Variants in CDPF1 observed in about 807,000 individuals in gnomAD.
The protein encoded by CDPF1 is cysteine-rich DPF motif domain-containing protein 1.
A neutral mutation model predicts 8.3 loss-of-function variants in CDPF1; 8 were observed. The observed-to-expected ratio is 0.96, with a 90% CI of 0.57 to 1.74. The LOEUF is 1.74. Among genes scored for constraint, CDPF1 ranks in the 40% most tolerant of loss-of-function variants. The pLI is 0.00. For synonymous variants in CDPF1, 62 were observed against 62.9 expected (o/e 0.99, Z 0.07); for missense variants, 151 against 155.3 (o/e 0.97, Z 0.15).
chr22:46,246,908 A>T lies in CDPF1; in HGVS notation c.225+202T>A. ...TGGGGTGGGTGCAGAGCCACCAATT[A>T]CCTATTTCCATTCCTACACCAGGCT... is the stretch of plus-strand genomic sequence containing the variant. On this transcript the variant is annotated intron_variant, in intron 3 of 3. Transcript: ENST00000314567. This position sits in a 1 kb window ranked among gnomAD's most constrained non-coding sequence, Gnocchi z 7.1. The T allele has an allele frequency of 6.9e-7, 1 of 1,445,486 alleles. No individual in the cohort carries two copies. Among genetic ancestry groups the T allele is most frequent in the Non-Finnish European group, 9.3e-7 (1 of 1,074,140 alleles). The allele number at this position is 1,445,486 out of a possible 1,614,324, so 89.5% of individuals were successfully genotyped here. A position where few individuals can be genotyped will look rare whatever the true frequency, so the allele number is the denominator to read the frequency against.
Position 46,246,741 on chromosome 22 carries a change from C to G in CDPF1, c.225+369G>C. On this transcript the variant is annotated intron_variant, in intron 3 of 3. Coordinates refer to ENST00000314567, the MANE Select transcript of CDPF1 (RefSeq NM_207327.5). This position sits in a 1 kb window ranked among gnomAD's most constrained non-coding sequence, Gnocchi z 7.1. ...GGTCCCAAGCACAGGACCTGGCACA[C>G]AACAAGTGCTCATGAAAGGACAGTC... is the stretch of plus-strand genomic sequence containing the variant. 1 of 1,602,716 alleles carries G rather than the reference C, an allele frequency of 6.2e-7. No homozygotes were observed. The highest frequency in any genetic ancestry group is 8.5e-7 in the Non-Finnish European group (1 of 1,175,128).
At position 46,245,141 on chromosome 22, in the gene CDPF1, C is replaced by T. The variant is rs1343744524; in HGVS notation, c.323G>A (p.Arg108Lys). ...GGGGGTCCTCTTTGATGGAGCTTTCCTTTTCTCCAAGTCTTGCCGAATTTC... is the reference window on the plus strand; with the variant it reads ...GGGGGTCCTCTTTGATGGAGCTTTCTTTTTCTCCAAGTCTTGCCGAATTTC... ...PQEIRQDLEKRKAPSKRTPSQ... is the reference protein window; with the variant it reads ...PQEIRQDLEKKKAPSKRTPSQ... Residue 108 changes from arginine to lysine, a missense_variant, in exon 4 of 4, where the codon AGG becomes AAG. Coordinates refer to ENST00000314567, the MANE Select transcript of CDPF1 (RefSeq NM_207327.5). The surrounding 1 kb of genome is among the most constrained non-coding windows in gnomAD (Gnocchi z 6.9). 1.2e-6 allele frequency: 2 copies of T among 1,614,238 alleles called. No homozygotes were observed. Among genetic ancestry groups the T allele is most frequent in the South Asian group, 2.2e-5 (2 of 91,082 alleles).
chr22:46,248,128 G>A lies in CDPF1; in HGVS notation c.113+44C>T, dbSNP rs769658984. On this transcript the variant is annotated intron_variant, in intron 2 of 3. Coordinates refer to ENST00000314567, the MANE Select transcript of CDPF1 (RefSeq NM_207327.5). The surrounding 1 kb of genome is among the most constrained non-coding windows in gnomAD (Gnocchi z 4.1). ...GGCACACCACCCACCAACCAGCACT[G>A]GGCACAGGCCTCCCCGGCACTGGCC... The A allele has an allele frequency of 1.4e-5, 20 of 1,431,758 alleles. No homozygotes were observed. The highest frequency in any genetic ancestry group is 1.9e-5 in the Non-Finnish European group (19 of 1,022,510). 88.7% of individuals were successfully genotyped at this position (1,431,758 alleles called of 1,614,324 possible). A position where few individuals can be genotyped will look rare whatever the true frequency, so the allele number is the denominator to read the frequency against.
rs1005229786 is a variant in CDPF1 at position 46,249,527 on chromosome 22, T to C, written c.-1+729A>G. Among the ~76,000 whole-genome samples the C allele has an allele frequency of 2.6e-5, 4 of 152,006 alleles. No homozygotes were observed. Among genetic ancestry groups the C allele is most frequent in the Non-Finnish European group, 2.9e-5 (2 of 67,900 alleles). On this transcript the variant is annotated intron_variant, in intron 1 of 3. Transcript: ENST00000314567. This position sits in a 1 kb window ranked among gnomAD's most constrained non-coding sequence, Gnocchi z 4.6. ...AGCCGAGCATAGTGGCGGGTGCCTGTAATCCCAGCTACTTAGGAAGCTGAG... is the reference window on the plus strand; with the variant it reads ...AGCCGAGCATAGTGGCGGGTGCCTGCAATCCCAGCTACTTAGGAAGCTGAG...
chr22:46,246,833 A>G lies in CDPF1; in HGVS notation c.225+277T>C. On this transcript the variant is annotated intron_variant, in intron 3 of 3. Coordinates refer to ENST00000314567, the MANE Select transcript of CDPF1 (RefSeq NM_207327.5). The surrounding 1 kb of genome is among the most constrained non-coding windows in gnomAD (Gnocchi z 7.1). ...TCACCATCCTGGTGAGAGGGCGCAC[A>G]AGGACTGTCTGCACTGTTGGTGGGA... The G allele has an allele frequency of 6.4e-7, 1 of 1,555,494 alleles. No individual in the cohort carries two copies. The highest frequency in any genetic ancestry group is 8.7e-7 in the Non-Finnish European group (1 of 1,150,552).
In CDPF1 at chr22:46,245,758, G is replaced by A. The variant is rs911990469; in HGVS notation, c.226-520C>T. Among the ~76,000 whole-genome samples the A allele has an allele frequency of 2.0e-5, 3 of 152,180 alleles. No homozygotes were observed. Among genetic ancestry groups the A allele is most frequent in the African/African-American group, 7.2e-5 (3 of 41,450 alleles). On this transcript the variant is annotated intron_variant, in intron 3 of 3. Transcript: ENST00000314567. The surrounding 1 kb of genome is among the most constrained non-coding windows in gnomAD (Gnocchi z 6.9). ...CACTAGAACTCCCGAGATTCATCAC[G>A]GTGCACAGCACGTGGCTAAGGATGA...
In CDPF1 at chr22:46,247,674, T is replaced by C. The variant is rs1569266168; in HGVS notation, c.114-453A>G. Among the ~76,000 whole-genome samples the C allele has an allele frequency of 6.6e-6, 1 of 151,994 alleles. No homozygotes were observed. The highest frequency in any genetic ancestry group is 1.5e-5 in the Non-Finnish European group (1 of 67,974). Reference sequence around the variant, plus strand: ...CAGGGTGACATGATGACACTCAGGCTCCTGGTCAGCAGAGGGACGACAGCC... The same window carrying C: ...CAGGGTGACATGATGACACTCAGGCCCCTGGTCAGCAGAGGGACGACAGCC... On this transcript the variant is annotated intron_variant, in intron 2 of 3. Transcript: ENST00000314567. The surrounding 1 kb of genome is among the most constrained non-coding windows in gnomAD (Gnocchi z 4.3).
rs1262493808 is a variant in CDPF1, at chr22:46,249,932, C to A, written c.-1+324G>T. On this transcript the variant is annotated intron_variant, in intron 1 of 3. Transcript: ENST00000314567. The surrounding 1 kb of genome is among the most constrained non-coding windows in gnomAD (Gnocchi z 4.6). ...CTTCTGCACGCCGGGGCGTCCTAGG[C>A]CCCTGCCGAGGCTCCTGGGGGCGGT... Among the ~76,000 whole-genome samples the A allele has an allele frequency of 6.6e-6, 1 of 152,172 alleles. No individual in the cohort carries two copies. The highest frequency in any genetic ancestry group is 1.5e-5 in the Non-Finnish European group (1 of 68,038).
At position 46,247,129 on chromosome 22, in the gene CDPF1, C is replaced by T; in HGVS notation, c.206G>A (p.Arg69Lys). The change falls in exon 3 of 4, where the codon AGG (arginine) becomes AAG (lysine). Residue 69 changes from arginine (R) to lysine (K), a missense_variant. Physicochemically the swap from Arg to Lys is conservative, Grantham distance 26. Transcript: ENST00000314567. The surrounding 1 kb of genome is among the most constrained non-coding windows in gnomAD (Gnocchi z 4.3). ...ACCCACCGGGCCCACACACACCAGC[C>T]TGCTGCACAAACTGCAGCACGAGCC... ...VLGSCCSLCS[R>K]LVCVGPECSL... The T allele has an allele frequency of 1.2e-6, 2 of 1,613,808 alleles. No homozygotes were observed. The highest frequency in any genetic ancestry group is 1.7e-6 in the Non-Finnish European group (2 of 1,179,776).
Position 46,246,803 on chromosome 22 carries a change from G to GT in CDPF1, c.225+306dup. 6.3e-7 allele frequency: 1 copy of GT among 1,584,070 alleles called. No homozygotes were observed. Among genetic ancestry groups the GT allele is most frequent in the Non-Finnish European group, 8.6e-7 (1 of 1,165,714 alleles). On this transcript the variant is annotated intron_variant, in intron 3 of 3. Transcript: ENST00000314567. The surrounding 1 kb of genome is among the most constrained non-coding windows in gnomAD (Gnocchi z 7.1). The stretch of plus-strand genomic sequence containing the variant: ...AGATCCCTCCAAGAACATCTAGAAA[G>GT]TAAGTCACCATCCTGGTGAGAGGGC...
rs903733157 is a variant in CDPF1 at position 46,244,563 on chromosome 22, G to A, written c.*529C>T. On this transcript the variant is annotated 3_prime_UTR_variant, in exon 4 of 4. Transcript: ENST00000314567. This position sits in a 1 kb window ranked among gnomAD's most constrained non-coding sequence, Gnocchi z 6.7. ...AATTATAAACATAATACATGGTCAA[G>A]GTTAAAAACATTTTCCAAGCACCAC... 1.2e-4 allele frequency: 18 copies of A among 152,850 alleles called. No homozygotes were observed. The highest frequency in any genetic ancestry group is 3.4e-3 in the Middle Eastern group (1 of 296). 9.5% of individuals were successfully genotyped at this position (152,850 alleles called of 1,614,324 possible).
rs1308601644 is a variant in CDPF1 at position 46,247,093 on chromosome 22, C to T, written c.225+17G>A. On this transcript the variant is annotated intron_variant, in intron 3 of 3. Transcript: ENST00000314567. The surrounding 1 kb of genome is among the most constrained non-coding windows in gnomAD (Gnocchi z 4.3). ...CACAGCAAGGACAGGTGGCCCCAGCCCACGCTGCTTACCCACCGGGCCCAC... is the reference window on the plus strand; with the variant it reads ...CACAGCAAGGACAGGTGGCCCCAGCTCACGCTGCTTACCCACCGGGCCCAC... The T allele has an allele frequency of 6.9e-6, 11 of 1,598,232 alleles. No homozygotes were observed. Among genetic ancestry groups the T allele is most frequent in the African/African-American group, 1.3e-5 (1 of 74,478 alleles).
chr22:46,247,168 C>A lies in CDPF1; in HGVS notation c.167G>T (p.Arg56Ile). 1 of 1,614,164 alleles carries A rather than the reference C, an allele frequency of 6.2e-7. No homozygotes were observed. The highest frequency in any genetic ancestry group is 8.5e-7 in the Non-Finnish European group (1 of 1,180,010). ...GCAGCACGAGCCGAGGACCAGGAAT[C>A]TGTCCTTGTCGGAGGTGAAGGGATC... is the stretch of plus-strand genomic sequence containing the variant. ...MKDPFTSDKD[R>I]FLVLGSCCSL... is the part of the protein sequence containing the mutation. Residue 56 changes from arginine to isoleucine, a missense_variant, in exon 3 of 4, where the codon AGA (arginine) becomes ATA (isoleucine). Physicochemically the swap from Arg to Ile is moderately conservative, Grantham distance 97 (BLOSUM62 -3). Transcript: ENST00000314567. The surrounding 1 kb of genome is among the most constrained non-coding windows in gnomAD (Gnocchi z 4.3).
In CDPF1 at chr22:46,245,509, C is replaced by T. The variant is rs1936476298; in HGVS notation, c.226-271G>A. The stretch of plus-strand genomic sequence containing the variant: ...GACTCTGGGGCCTGCTCTGCTCCAT[C>T]ACGGGGCAGTGACAACAATGGAAAG... On this transcript the variant is annotated intron_variant, in intron 3 of 3. Coordinates refer to ENST00000314567, the MANE Select transcript of CDPF1 (RefSeq NM_207327.5). This position sits in a 1 kb window ranked among gnomAD's most constrained non-coding sequence, Gnocchi z 6.9. Among the ~76,000 whole-genome samples the T allele has an allele frequency of 6.6e-6, 1 of 152,220 alleles. No individual in the cohort carries two copies. Among genetic ancestry groups the T allele is most frequent in the Admixed American group, 6.5e-5 (1 of 15,282 alleles).
At position 46,248,445 on chromosome 22, in the gene CDPF1, T is replaced by C. The variant is rs1237898989; in HGVS notation, c.1-161A>G. On this transcript the variant is annotated intron_variant, in intron 1 of 3. Transcript: ENST00000314567. The surrounding 1 kb of genome is among the most constrained non-coding windows in gnomAD (Gnocchi z 4.1). ...CCCAGCTGAAACAGGTTTTCACCGG[T>C]GCCCAGAGTGACAGGATTTGCTGTC... Among the ~76,000 whole-genome samples the C allele has an allele frequency of 6.6e-6, 1 of 152,198 alleles. No individual in the cohort carries two copies. Among genetic ancestry groups the C allele is most frequent in the African/African-American group, 2.4e-5 (1 of 41,440 alleles).
chr22:46,247,309 T>A lies in CDPF1; in HGVS notation c.114-88A>T. The stretch of plus-strand genomic sequence containing the variant: ...GACCTATGGCCAGGCAGCAGCAGCC[T>A]GCACCTCTGCAGGGCCTGCATACCT... On this transcript the variant is annotated intron_variant, in intron 2 of 3. Transcript: ENST00000314567. The surrounding 1 kb of genome is among the most constrained non-coding windows in gnomAD (Gnocchi z 4.3). 1 of 872,346 alleles carries A rather than the reference T, an allele frequency of 1.1e-6. No individual in the cohort carries two copies. The highest frequency in any genetic ancestry group is 1.9e-6 in the Non-Finnish European group (1 of 531,278). The allele number at this position is 872,346 out of a possible 1,614,324, so 54.0% of individuals were successfully genotyped here.
In CDPF1 at chr22:46,244,967, T is replaced by C; in HGVS notation, c.*125A>G. Reference sequence around the variant, plus strand: ...GGACTCCAGCTCCCCTGGGCTGCAGTGCTGCTCCCAGTGGTCCAGAAACAA... The same window carrying C: ...GGACTCCAGCTCCCCTGGGCTGCAGCGCTGCTCCCAGTGGTCCAGAAACAA... On this transcript the variant is annotated 3_prime_UTR_variant, in exon 4 of 4. Coordinates refer to ENST00000314567, the MANE Select transcript of CDPF1 (RefSeq NM_207327.5). The surrounding 1 kb of genome is among the most constrained non-coding windows in gnomAD (Gnocchi z 6.7). 7.9e-7 allele frequency: 1 copy of C among 1,266,762 alleles called. No homozygotes were observed. Among genetic ancestry groups the C allele is most frequent in the Non-Finnish European group, 1.1e-6 (1 of 910,806 alleles). 78.5% of individuals were successfully genotyped at this position (1,266,762 alleles called of 1,614,324 possible). A position where few individuals can be genotyped will look rare whatever the true frequency, so the allele number is the denominator to read the frequency against.
Position 46,246,562 on chromosome 22 carries a change from A to G in CDPF1, c.225+548T>C. 1 of 1,333,192 alleles carries G rather than the reference A, an allele frequency of 7.5e-7. No homozygotes were observed. The highest frequency in any genetic ancestry group is 1.0e-6 in the Non-Finnish European group (1 of 980,074). The allele number at this position is 1,333,192 out of a possible 1,614,324, so 82.6% of individuals were successfully genotyped here. A position where few individuals can be genotyped will look rare whatever the true frequency, so the allele number is the denominator to read the frequency against. On this transcript the variant is annotated intron_variant, in intron 3 of 3. Coordinates refer to ENST00000314567, the MANE Select transcript of CDPF1 (RefSeq NM_207327.5). This position sits in a 1 kb window ranked among gnomAD's most constrained non-coding sequence, Gnocchi z 7.1. The stretch of plus-strand genomic sequence containing the variant: ...CACGCTGTGAAAGCCATGCTGCTCC[A>G]CTTCCATCCGTCCTTGGGTTTACAG...
At position 46,246,591 on chromosome 22, in the gene CDPF1, CCCA is replaced by C; in HGVS notation, c.225+516_225+518del. ...CCATCCGTCCTTGGGTTTACAGCTACCCAGGTGAACCTGGCCCACCCAGCCTCT... is the reference window on the plus strand; with the variant it reads ...CCATCCGTCCTTGGGTTTACAGCTACGGTGAACCTGGCCCACCCAGCCTCT... On this transcript the variant is annotated intron_variant, in intron 3 of 3. Coordinates refer to ENST00000314567, the MANE Select transcript of CDPF1 (RefSeq NM_207327.5). This position sits in a 1 kb window ranked among gnomAD's most constrained non-coding sequence, Gnocchi z 7.1. The C allele has an allele frequency of 6.7e-7, 1 of 1,490,026 alleles. No individual in the cohort carries two copies. The highest frequency in any genetic ancestry group is 9.0e-7 in the Non-Finnish European group (1 of 1,107,858). The allele number at this position is 1,490,026 out of a possible 1,614,324, so 92.3% of individuals were successfully genotyped here.
Sources: gnomAD v4.1 joint callset for allele counts (sites outside exome capture counted in the v4.1 genomes callset) on GRCh38, gnomAD v4.1.1 for gene constraint, Gnocchi (gnomAD v3.1) non-coding constraint, MANE v1.5 for transcripts, NCBI Gene and HGNC (gene_info 2026-07-23, HGNC 2026-07-21) for gene names.